Variants in FBXO21 observed in about 807,000 individuals in gnomAD.
The protein encoded by FBXO21 is F-box protein 21.
In FBXO21, 32 loss-of-function variants were observed where a neutral mutation model predicts 76.6. That is an observed-to-expected ratio of 0.42 (90% CI 0.32 to 0.56). FBXO21 has a LOEUF of 0.56. Ranked by LOEUF, FBXO21 falls within the 20% of genes least tolerant of loss-of-function variation. The pLI is 0.16. For synonymous variants in FBXO21, 328 were observed against 311.5 expected, an observed-to-expected ratio of 1.05 and a Z score of -0.56; for missense variants, 586 against 797.3, an observed-to-expected ratio of 0.73 and a Z score of 3.19.
chr12:117,173,095 C>T (rs1169459755), intron 6 of FBXO21, among the ~76,000 whole-genome samples: 3 of 150,754 alleles, frequency 2.0e-5, no homozygotes, highest in Admixed American at 6.6e-5. Context: ...AGTGCGATGG[C>T]GCAATCTTGG....
At chr12:117,186,961 T>TA (rs1956289538) in intron 2 of FBXO21, among the ~76,000 whole-genome samples, 1 of 152,136 alleles carries the variant, frequency 6.6e-6, no homozygotes, top group Admixed American at 6.5e-5. Context: ...ACCCCATGTC[T>TA]ACTAAAAATA....
intron 3 of FBXO21, among the ~76,000 whole-genome samples, chr12:117,183,255 C>CTTT (rs34160051): frequency 1.4e-5 from 2 of 147,330 alleles, no homozygotes; most frequent in African/African-American, 5.0e-5. Flanking sequence ...CTGTTTAACA[C>CTTT]TTTTTTTTTT....
In FBXO21 at chr12:117,142,031, T is replaced by G. The variant is rs1565990737; in HGVS notation, c.*4056A>C. On this transcript the variant is annotated 3_prime_UTR_variant, in exon 12 of 12. Transcript: ENST00000622495. ...ATTTATTACAGAACTAGCAGAGCCC[T>G]AATACAGTCATTGCTACGTGGCCAT... is the stretch of plus-strand genomic sequence containing the variant. 1 of 152,250 alleles carries G rather than the reference T, an allele frequency of 6.6e-6. No individual in the cohort carries two copies. Among genetic ancestry groups the G allele is most frequent in the Non-Finnish European group, 1.5e-5 (1 of 68,042 alleles). The allele number at this position is 152,250 out of a possible 1,614,324, so 9.4% of individuals were successfully genotyped here. A position where few individuals can be genotyped will look rare whatever the true frequency, so the allele number is the denominator to read the frequency against.
intron 11 of FBXO21, among the ~76,000 whole-genome samples, chr12:117,152,592 A>G (rs192355454): frequency 2.2e-4 from 34 of 151,784 alleles, no homozygotes; most frequent in Admixed American, 1.1e-3. Flanking sequence ...GAGAAAAAAA[A>G]CAACCAAATG....
intron 9 of FBXO21, among the ~76,000 whole-genome samples, chr12:117,159,983 G>A (rs1014016864): frequency 6.6e-6 from 1 of 152,162 alleles, no homozygotes; most frequent in East Asian, 1.9e-4. Context: ...GCACCATGCC[G>A]TCCCCACCAA....
chr12:117,163,822 T>C (rs1052650184), intron 9 of FBXO21, among the ~76,000 whole-genome samples: 1 of 152,028 alleles, frequency 6.6e-6, no homozygotes, highest in African/African-American at 2.4e-5. Context: ...GGTGTAGCTA[T>C]AGTCCCAGCT....
At chr12:117,168,060 G>C (rs978091985) in intron 7 of FBXO21, among the ~76,000 whole-genome samples, 4 of 152,146 alleles carry the variant, frequency 2.6e-5, no homozygotes, top group African/African-American at 9.7e-5. Context: ...AGGACTCATG[G>C]AATCCTCATG....
chr12:117,166,487 T>TA (rs1956055295), intron 8 of FBXO21, among the ~76,000 whole-genome samples: 1 of 152,162 alleles, frequency 6.6e-6, no homozygotes, highest in Admixed American at 6.5e-5. Flanking sequence ...ATTTTGCAGT[T>TA]AGTCTAAAAC....
At position 117,149,973 on chromosome 12, in the gene FBXO21, C is replaced by T. The variant is rs374881345; in HGVS notation, c.1676-3696G>A. Among the ~76,000 whole-genome samples the T allele has an allele frequency of 1.4e-4, 22 of 152,214 alleles. No homozygotes were observed. The East Asian group carries it at 1.7e-3, about 12-fold the overall frequency. ...CAGGCAAGAAGTAAATGACAGTCCT[C>T]GAGGGTGCTCCCAGCCCCACTCCTG... is the stretch of plus-strand genomic sequence containing the variant. On this transcript the variant is annotated intron_variant, in intron 11 of 11. Coordinates refer to ENST00000622495, the MANE Select transcript of FBXO21 (RefSeq NM_015002.3).
chr12:117,146,080 C>G lies in FBXO21; in HGVS notation c.*7G>C. The G allele has an allele frequency of 1.9e-6, 3 of 1,582,082 alleles. No individual in the cohort carries two copies. In the South Asian group the frequency reaches 3.6e-5, roughly 19 times the overall value. ...CAGCAGCAAAGGTGCAATGTCCTCT[C>G]TAGACTTTACTCATCTATGTTCTCT... On this transcript the variant is annotated 3_prime_UTR_variant, in exon 12 of 12. Transcript: ENST00000622495.
At chr12:117,167,138 G>C in intron 7 of FBXO21, 61 bp from the exon 8 acceptor site, 1 of 1,286,096 alleles carries the variant, frequency 7.8e-7, no homozygotes, top group East Asian at 2.4e-5. Flanking sequence ...AGTCTCCACA[G>C]TAAGTAGCTC....
chr12:117,185,637 A>G (rs1566009778), intron 3 of FBXO21, among the ~76,000 whole-genome samples: 1 of 152,348 alleles, frequency 6.6e-6, no homozygotes, highest in East Asian at 1.9e-4. Context: ...TGAGTCCCTA[A>G]GTACGCAGTT....
intron 11 of FBXO21, among the ~76,000 whole-genome samples, chr12:117,150,628 T>C (rs1225929074): frequency 1.3e-5 from 2 of 152,218 alleles, no homozygotes; most frequent in East Asian, 3.9e-4. Flanking sequence ...GAAGACTCCT[T>C]GTGAATGACA....
intron 3 of FBXO21, among the ~76,000 whole-genome samples, chr12:117,185,726 A>C (rs1956275248): frequency 6.6e-6 from 1 of 152,254 alleles, no homozygotes; most frequent in Admixed American, 6.5e-5. Flanking sequence ...TTTGTACCGC[A>C]ATTCAGAAAT....
At chr12:117,181,541 ATATC>A (rs770483986) in intron 3 of FBXO21, among the ~76,000 whole-genome samples, 11 of 151,956 alleles carry the variant, frequency 7.2e-5, no homozygotes, top group Admixed American at 1.3e-4. Flanking sequence ...CTATCTATTT[ATATC>A]TATCTATCTA....
At chr12:117,181,324 A>C (rs990107521) in intron 3 of FBXO21, among the ~76,000 whole-genome samples, 4 of 152,298 alleles carry the variant, frequency 2.6e-5, no homozygotes, top group Non-Finnish European at 5.9e-5. Context: ...TGAGTATCTT[A>C]AGCTATTTTT....
chr12:117,172,462 G>A lies in FBXO21; in HGVS notation c.1013+9C>T, dbSNP rs1956127115. ...TCAGGACCACAGATAATGTGTCACG[G>A]ATGCTCACCCTTCTGCGCCTTGGCA... On this transcript the variant is annotated intron_variant, in intron 7 of 11. Transcript: ENST00000622495. The A allele has an allele frequency of 6.2e-7, 1 of 1,610,088 alleles. No individual in the cohort carries two copies.
chr12:117,169,183 T>C (rs1016313326), intron 7 of FBXO21, among the ~76,000 whole-genome samples: 2 of 152,162 alleles, frequency 1.3e-5, no homozygotes, highest in African/African-American at 4.8e-5. Context: ...GGGATATGGA[T>C]GGAGCTAGAG....
intron 9 of FBXO21, among the ~76,000 whole-genome samples, chr12:117,162,961 C>T (rs1956000885): frequency 6.6e-6 from 1 of 152,190 alleles, no homozygotes; most frequent in Non-Finnish European, 1.5e-5. Context: ...TGGAGAGGAA[C>T]CTTGTCCGAT....
Sources: gnomAD v4.1 joint callset for allele counts (sites outside exome capture counted in the v4.1 genomes callset) on GRCh38, gnomAD v4.1.1 for gene constraint, MANE v1.5 for transcripts, NCBI Gene and HGNC (gene_info 2026-07-23, HGNC 2026-07-21) for gene names.